Variants in NPAS3 observed in about 807,000 individuals in gnomAD.
The protein encoded by NPAS3 is neuronal PAS domain protein 3.
Under a neutral mutation model 73.1 loss-of-function variants are expected in NPAS3, and 14 were observed. That is an observed-to-expected ratio of 0.19 (90% CI 0.13 to 0.30). The LOEUF is 0.30. NPAS3 is among the 10% of genes least tolerant of loss of function. The pLI is 1.00. For missense variants in NPAS3, 1,096 were observed against 1,250.0 expected (o/e 0.88, Z 1.86); for synonymous variants, 620 against 541.5 (o/e 1.14, Z -2.01).
At chr14:32,994,368 C>T (rs140181263) in intron 1 of NPAS3, among the ~76,000 whole-genome samples, 151 of 152,078 alleles carry the variant, frequency 9.9e-4, no homozygotes, top group Middle Eastern at 6.8e-3. Flanking sequence ...CAAGTGAATA[C>T]TACTTATACT....
At chr14:33,195,298 T>G (rs1016218822) in intron 2 of NPAS3, among the ~76,000 whole-genome samples, 1 of 152,072 alleles carries the variant, frequency 6.6e-6, no homozygotes, top group Non-Finnish European at 1.5e-5. Context: ...CAAGATTGAG[T>G]CTTGCTCTGT....
At chr14:33,588,670 G>A (rs1418345823) in intron 5 of NPAS3, among the ~76,000 whole-genome samples, 1 of 152,188 alleles carries the variant, frequency 6.6e-6, no homozygotes, top group African/African-American at 2.4e-5. Flanking sequence ...CTGGAGTGCA[G>A]CGGTGTGACC....
intron 10 of NPAS3, among the ~76,000 whole-genome samples, chr14:33,795,521 T>C (rs548534213): frequency 7.2e-5 from 11 of 152,266 alleles, no homozygotes; most frequent in Non-Finnish European, 1.5e-4. Flanking sequence ...ATTCTTTTGC[T>C]AGGCAAAATG....
intron 5 of NPAS3, among the ~76,000 whole-genome samples, chr14:33,655,566 G>GTTTA (rs2059122343): frequency 6.6e-6 from 1 of 152,082 alleles, no homozygotes; most frequent in Non-Finnish European, 1.5e-5. Context: ...AGAGAACAGT[G>GTTTA]TTTACATTAC....
chr14:33,675,557 T>C (rs1845356498), intron 5 of NPAS3, among the ~76,000 whole-genome samples: 1 of 152,178 alleles, frequency 6.6e-6, no homozygotes, highest in African/African-American at 2.4e-5. Flanking sequence ...AACAAGCTGA[T>C]TGCAGCAGAA....
intron 2 of NPAS3, among the ~76,000 whole-genome samples, chr14:33,162,872 T>C (rs1250624796): frequency 6.6e-6 from 1 of 152,176 alleles, no homozygotes; most frequent in Non-Finnish European, 1.5e-5. Context: ...TCTTCATAAA[T>C]TGCAAGTGGA....
chr14:33,591,240 C>G (rs1236705046), intron 5 of NPAS3, among the ~76,000 whole-genome samples: 1 of 152,182 alleles, frequency 6.6e-6, no homozygotes, highest in Non-Finnish European at 1.5e-5. Flanking sequence ...CCTTTACTCC[C>G]TCACTGCCCA....
At chr14:33,554,815 T>C (rs1403734172) in intron 4 of NPAS3, among the ~76,000 whole-genome samples, 4 of 152,222 alleles carry the variant, frequency 2.6e-5, no homozygotes, top group Non-Finnish European at 5.9e-5. Context: ...TTGACAAATA[T>C]AAATCCATTT....
At chr14:33,544,970 G>A (rs2054775077) in intron 4 of NPAS3, among the ~76,000 whole-genome samples, 1 of 149,646 alleles carries the variant, frequency 6.7e-6, no homozygotes, top group Non-Finnish European at 1.5e-5. Context: ...TTTCTCCTAT[G>A]TCTCTGTTTG....
At chr14:33,524,471 G>A (rs963736467) in intron 4 of NPAS3, among the ~76,000 whole-genome samples, 22 of 152,106 alleles carry the variant, frequency 1.4e-4, no homozygotes, top group African/African-American at 3.9e-4. Context: ...GAGGAAATTG[G>A]CATTCACAGA....
intron 5 of NPAS3, among the ~76,000 whole-genome samples, chr14:33,663,194 A>G (rs1240714200): frequency 6.6e-6 from 1 of 152,030 alleles, no homozygotes; most frequent in Non-Finnish European, 1.5e-5. Flanking sequence ...TCAGTGTGAT[A>G]TTGGCTGTGG....
In NPAS3 at chr14:33,411,634, T is replaced by C. The variant is rs74967094; in HGVS notation, c.468+44366T>C. Among the ~76,000 whole-genome samples the C allele has an allele frequency of 4.5e-3, 678 of 152,296 alleles. 3 individuals carry two copies. The highest frequency in any genetic ancestry group is 0.015 in the African/African-American group (640 of 41,552). ...GTCAACAGTGCTGAGGTGAAGAAAC[T>C]CTATAGCTCTACCAATACAATTTGT... On this transcript the variant is annotated intron_variant, in intron 4 of 11. Transcript: ENST00000356141.
chr14:32,992,434 C>T (rs529124503), intron 1 of NPAS3, among the ~76,000 whole-genome samples: 32 of 152,254 alleles, frequency 2.1e-4, no homozygotes, highest in African/African-American at 7.7e-4. Flanking sequence ...GTAGGCACTG[C>T]CTAGCACCCA....
At chr14:33,140,206 A>G (rs1023395997) in intron 2 of NPAS3, among the ~76,000 whole-genome samples, 5 of 152,286 alleles carry the variant, frequency 3.3e-5, no homozygotes, top group African/African-American at 1.2e-4. Flanking sequence ...TAAGTGTGGC[A>G]TATCTTGACA....
intron 4 of NPAS3, among the ~76,000 whole-genome samples, chr14:33,501,787 A>C (rs773661134): frequency 2.6e-5 from 4 of 151,832 alleles, no homozygotes; most frequent in Non-Finnish European, 4.4e-5. Context: ...CCTTTAAGAG[A>C]TCTGATGTTG....
intron 3 of NPAS3, among the ~76,000 whole-genome samples, chr14:33,317,758 C>T (rs993631743): frequency 2.6e-5 from 4 of 152,030 alleles, no homozygotes; most frequent in Non-Finnish European, 4.4e-5. Context: ...GTCAATTAAA[C>T]CTCTTTCCTT....
intron 4 of NPAS3, among the ~76,000 whole-genome samples, chr14:33,427,063 A>G (rs1230675302): frequency 6.6e-6 from 1 of 152,082 alleles, no homozygotes; most frequent in Non-Finnish European, 1.5e-5. Flanking sequence ...ATAATATAAG[A>G]TAGAACACTG....
chr14:32,987,686 AT>A (rs1273714603), intron 1 of NPAS3, among the ~76,000 whole-genome samples: 1 of 152,228 alleles, frequency 6.6e-6, no homozygotes, highest in African/African-American at 2.4e-5. Flanking sequence ...TTCTATAAAA[AT>A]TACAAACTTA....
chr14:33,114,399 G>A (rs1380034874), intron 2 of NPAS3, among the ~76,000 whole-genome samples: 1 of 152,042 alleles, frequency 6.6e-6, no homozygotes, highest in African/African-American at 2.4e-5. Context: ...GGATTCATGT[G>A]CTGAAAGTCA....
Sources: allele counts gnomAD v4.1 joint callset (sites outside exome capture counted in the v4.1 genomes callset), GRCh38; gene constraint gnomAD v4.1.1; transcripts MANE v1.5; gene names NCBI Gene and HGNC (gene_info 2026-07-23, HGNC 2026-07-21).